The following DIRAS2 variants were observed in gnomAD, a reference collection of about 807,000 sequenced individuals.
The protein encoded by DIRAS2 is DIRAS family GTPase 2, also known as GTP-binding protein Di-Ras2.
Under a neutral mutation model 13.9 loss-of-function variants are expected in DIRAS2, and 5 were observed. That is an observed-to-expected ratio of 0.36 (90% CI 0.19 to 0.76). The LOEUF is 0.76. Ranked by LOEUF, DIRAS2 falls within the 30% of genes least tolerant of loss-of-function variation. The pLI, the probability that DIRAS2 is intolerant of heterozygous loss-of-function variation, is 0.53. For synonymous variants in DIRAS2, 111 were observed against 105.4 expected (o/e 1.05, Z -0.33); for missense variants, 191 against 263.0 (o/e 0.73, Z 1.89).
intron 1 of DIRAS2, among the ~76,000 whole-genome samples, chr9:90,629,493 C>T (rs2118570189): frequency 6.6e-6 from 1 of 151,692 alleles, no homozygotes; most frequent in East Asian, 1.9e-4. Flanking sequence ...AACTAAAATT[C>T]ACTTCTTTCT....
At chr9:90,635,533 G>A (rs1278268353) in intron 1 of DIRAS2, among the ~76,000 whole-genome samples, 1 of 152,206 alleles carries the variant, frequency 6.6e-6, no homozygotes, top group African/African-American at 2.4e-5. Context: ...CTTCATGTAA[G>A]GTCCACACCA....
intron 1 of DIRAS2, among the ~76,000 whole-genome samples, chr9:90,634,737 C>T (rs939589558): frequency 1.3e-5 from 2 of 152,178 alleles, no homozygotes; most frequent in African/African-American, 4.8e-5. Context: ...GAAAAGGGAA[C>T]ATTTGAACAT....
intron 1 of DIRAS2, among the ~76,000 whole-genome samples, chr9:90,629,873 C>A (rs973154266): frequency 6.6e-6 from 1 of 151,930 alleles, no homozygotes; most frequent in Non-Finnish European, 1.5e-5. Flanking sequence ...TCTGCAGATG[C>A]GGATGCCACA....
chr9:90,617,473 G>A (rs1228900282), intron 1 of DIRAS2, among the ~76,000 whole-genome samples: 1 of 152,210 alleles, frequency 6.6e-6, no homozygotes, highest in Non-Finnish European at 1.5e-5. Flanking sequence ...GCTATTGAGA[G>A]AACTTGGCAA....
intron 1 of DIRAS2, among the ~76,000 whole-genome samples, chr9:90,641,925 G>A (rs1002934370): frequency 4.6e-5 from 7 of 152,198 alleles, no homozygotes; most frequent in African/African-American, 1.7e-4. Context: ...TGCACAGTAG[G>A]AAGAAACTGA....
rs1825111904 is a variant in DIRAS2, at chr9:90,611,371, G to A, written c.*1857C>T. 1 of 152,204 alleles carries A rather than the reference G, an allele frequency of 6.6e-6. No individual in the cohort carries two copies. The highest frequency in any genetic ancestry group is 1.5e-5 in the Non-Finnish European group (1 of 68,118). 9.4% of individuals were successfully genotyped at this position (152,204 alleles called of 1,614,324 possible). ...ATGAGTGTTCCCCCTGTAAAGTCAGGGCGGTTTTGTTCTAGGAGATCATGG... is the reference window on the plus strand; with the variant it reads ...ATGAGTGTTCCCCCTGTAAAGTCAGAGCGGTTTTGTTCTAGGAGATCATGG... On this transcript the variant is annotated 3_prime_UTR_variant, in exon 2 of 2. Coordinates refer to ENST00000375765, the MANE Select transcript of DIRAS2 (RefSeq NM_017594.5).
chr9:90,641,102 AT>A (rs1043935903), intron 1 of DIRAS2, among the ~76,000 whole-genome samples: 2 of 152,120 alleles, frequency 1.3e-5, no homozygotes, highest in Admixed American at 6.5e-5. Context: ...ACAATAAATA[AT>A]TTTTTTAAAA....
chr9:90,623,023 C>G (rs933111423), intron 1 of DIRAS2, among the ~76,000 whole-genome samples: 1 of 152,104 alleles, frequency 6.6e-6, no homozygotes, highest in Non-Finnish European at 1.5e-5. Flanking sequence ...AATAAACTTT[C>G]TTGTACTCTG....
chr9:90,629,113 CAA>C (rs1278272520), intron 1 of DIRAS2, among the ~76,000 whole-genome samples: 1 of 152,160 alleles, frequency 6.6e-6, no homozygotes, highest in African/African-American at 2.4e-5. Flanking sequence ...CTCGGCCTCC[CAA>C]AGTGTTAGGA....
intron 1 of DIRAS2, among the ~76,000 whole-genome samples, chr9:90,625,329 T>C (rs2118561128): frequency 6.6e-6 from 1 of 152,332 alleles, no homozygotes; most frequent in South Asian, 2.1e-4. Context: ...CAAAAAATGA[T>C]TCTTTCAAAC....
intron 1 of DIRAS2, among the ~76,000 whole-genome samples, chr9:90,615,008 T>G (rs690111): frequency 0.68 from 102,825 of 152,026 alleles, 35,536 homozygotes; most frequent in Non-Finnish European, 0.75. Flanking sequence ...TTTTTAAAAC[T>G]GAAGTTGATA....
Position 90,613,063 on chromosome 9 carries a change from C to T in DIRAS2, c.*165G>A. The stretch of plus-strand genomic sequence containing the variant: ...CTGTGACTCCAGAGTGGGTGGCTTA[C>T]TGTTGGTGGTGTGAAACGCCCTCTT... On this transcript the variant is annotated 3_prime_UTR_variant, in exon 2 of 2. Transcript: ENST00000375765. The surrounding 1 kb of genome is among the most constrained non-coding windows in gnomAD (Gnocchi z 5.6). 6 of 968,998 alleles carry T rather than the reference C, an allele frequency of 6.2e-6. No individual in the cohort carries two copies. Among genetic ancestry groups the T allele is most frequent in the Non-Finnish European group, 9.0e-6 (6 of 668,442 alleles). The allele number at this position is 968,998 out of a possible 1,614,324, so 60.0% of individuals were successfully genotyped here.
chr9:90,632,932 G>A (rs1825338684), intron 1 of DIRAS2, among the ~76,000 whole-genome samples: 1 of 152,182 alleles, frequency 6.6e-6, no homozygotes, highest in Non-Finnish European at 1.5e-5. Context: ...CACTGACAGG[G>A]CAGTGCTGCT....
intron 1 of DIRAS2, among the ~76,000 whole-genome samples, chr9:90,635,459 A>G (rs1825361726): frequency 6.6e-6 from 1 of 152,252 alleles, no homozygotes; most frequent in Admixed American, 6.5e-5. Context: ...TGCAATGATA[A>G]TGTTAGGCAG....
intron 1 of DIRAS2, among the ~76,000 whole-genome samples, chr9:90,629,870 A>G (rs1283841740): frequency 6.6e-6 from 1 of 152,172 alleles, no homozygotes; most frequent in African/African-American, 2.4e-5. Flanking sequence ...GAATCTGCAG[A>G]TGCGGATGCC....
In DIRAS2 at chr9:90,610,328, TTATATATTTTATATACATGTAA is replaced by T. The variant is rs1825098561; in HGVS notation, c.*2878_*2899del. 2.5e-6 allele frequency: 1 copy of T among 398,586 alleles called. No individual in the cohort carries two copies. The highest frequency in any genetic ancestry group is 4.4e-5 in the Admixed American group (1 of 22,710). 24.7% of individuals were successfully genotyped at this position (398,586 alleles called of 1,614,324 possible). On this transcript the variant is annotated 3_prime_UTR_variant, in exon 2 of 2. Coordinates refer to ENST00000375765, the MANE Select transcript of DIRAS2 (RefSeq NM_017594.5). ...TACTTCAAAAATGCAGGAAGATAAATTATATATTTTATATACATGTAATTTTAGATAGAATGAACAATTCAAT... is the reference window on the plus strand; with the variant it reads ...TACTTCAAAAATGCAGGAAGATAAATTTTTAGATAGAATGAACAATTCAAT...
At chr9:90,634,917 A>G (rs1825357328) in intron 1 of DIRAS2, among the ~76,000 whole-genome samples, 1 of 152,250 alleles carries the variant, frequency 6.6e-6, no homozygotes. Flanking sequence ...TTCATCAGAT[A>G]GCAACGACCC....
At chr9:90,629,923 G>C (rs931933070) in intron 1 of DIRAS2, among the ~76,000 whole-genome samples, 1 of 152,064 alleles carries the variant, frequency 6.6e-6, no homozygotes, top group Non-Finnish European at 1.5e-5. Context: ...TACACACAGA[G>C]CTTTGCTAAA....
In DIRAS2 at chr9:90,619,584, G is replaced by A. The variant is rs539945807; in HGVS notation, c.-36-5721C>T. ...AGGAGCATTTGAACCTTTGTGCATT[G>A]TGCATTGCTGGCAAAAAATGTAAAA... is the stretch of plus-strand genomic sequence containing the variant. On this transcript the variant is annotated intron_variant, in intron 1 of 1. Coordinates refer to ENST00000375765, the MANE Select transcript of DIRAS2 (RefSeq NM_017594.5). Among the ~76,000 whole-genome samples, 7 of 152,296 alleles carry A rather than the reference G, an allele frequency of 4.6e-5. No individual in the cohort carries two copies. The South Asian group carries it at 1.5e-3, about 32-fold the overall frequency.
Sources: allele counts gnomAD v4.1 joint callset (sites outside exome capture counted in the v4.1 genomes callset), GRCh38; gene constraint gnomAD v4.1.1; non-coding constraint Gnocchi (gnomAD v3.1); transcripts MANE v1.5; gene names NCBI Gene and HGNC (gene_info 2026-07-23, HGNC 2026-07-21).